Variants in CDH18 observed in about 807,000 individuals in gnomAD.
The protein encoded by CDH18 is cadherin 18.
CDH18 carries 31 observed loss-of-function variants against 67.9 expected under a neutral mutation model. The observed-to-expected ratio is 0.46, with a 90% CI of 0.34 to 0.62. The LOEUF is 0.62. Ranked by LOEUF, CDH18 falls within the 20% of genes least tolerant of loss-of-function variation. CDH18 has a pLI of 0.01. For missense variants in CDH18, 890 were observed against 975.5 expected (o/e 0.91, Z 1.17); for synonymous variants, 362 against 347.2 (o/e 1.04, Z -0.48).
chr5:19,851,214 C>T (rs1356884977), intron 2 of CDH18, among the ~76,000 whole-genome samples: 6 of 151,696 alleles, frequency 4.0e-5, no homozygotes, highest in Admixed American at 1.3e-4. Context: ...TAAAGGCTTT[C>T]CAGCTGATAT....
chr5:20,391,897 A>G (rs2150117009), intron 1 of CDH18, among the ~76,000 whole-genome samples: 1 of 151,362 alleles, frequency 6.6e-6, no homozygotes, highest in East Asian at 2.0e-4. Context: ...AAGAATGCAG[A>G]ACAGTATTAA....
intron 1 of CDH18, among the ~76,000 whole-genome samples, chr5:20,337,379 C>T (rs1182983283): frequency 1.3e-5 from 2 of 152,144 alleles, no homozygotes; most frequent in Non-Finnish European, 2.9e-5. Context: ...TAGCAGCACC[C>T]AAGTCGCCTT....
chr5:19,580,179 G>C (rs755125402), intron 7 of CDH18, among the ~76,000 whole-genome samples: 12 of 151,794 alleles, frequency 7.9e-5, no homozygotes, highest in Non-Finnish European at 1.5e-4. Flanking sequence ...ATACTTGAAG[G>C]ACAATATGGG....
At chr5:19,510,321 A>G (rs535848769) in intron 10 of CDH18, among the ~76,000 whole-genome samples, 59 of 152,284 alleles carry the variant, frequency 3.9e-4, no homozygotes, top group African/African-American at 1.4e-3. Flanking sequence ...TCTCACAAGC[A>G]GAGCACATAC....
At chr5:20,193,910 T>G (rs1463930074) in intron 2 of CDH18, among the ~76,000 whole-genome samples, 3 of 152,094 alleles carry the variant, frequency 2.0e-5, no homozygotes, top group Non-Finnish European at 4.4e-5. Flanking sequence ...GCCTTCATGT[T>G]AAAAACTCTC....
At chr5:19,520,188 C>A (rs994298067) in intron 10 of CDH18, among the ~76,000 whole-genome samples, 1 of 152,044 alleles carries the variant, frequency 6.6e-6, no homozygotes. Flanking sequence ...TCACTCTCAC[C>A]ACCCTATTAA....
At chr5:20,109,173 C>A (rs1747240518) in intron 2 of CDH18, among the ~76,000 whole-genome samples, 1 of 152,092 alleles carries the variant, frequency 6.6e-6, no homozygotes, top group African/African-American at 2.4e-5. Flanking sequence ...AAAATCTAAT[C>A]TTTTATGATT....
intron 2 of CDH18, among the ~76,000 whole-genome samples, chr5:19,916,994 G>A (rs1791868922): frequency 6.6e-6 from 1 of 151,976 alleles, no homozygotes; most frequent in South Asian, 2.1e-4. Context: ...AAAAACTGGT[G>A]CAATCTACAC....
In CDH18 at chr5:19,680,203, T is replaced by C. The variant is rs1419071058; in HGVS notation, c.643+41144A>G. On this transcript the variant is annotated intron_variant, in intron 5 of 12. Coordinates refer to ENST00000382275, the MANE Select transcript of CDH18 (RefSeq NM_004934.5). ...AGGATTCCCTATACAATAAATGGTG[T>C]TGTGATAACTGCCTAGCCATATGCA... 2.6e-5 allele frequency among the ~76,000 whole-genome samples: 4 copies of C among 151,952 alleles called. No homozygotes were observed. The East Asian group carries it at 7.7e-4, about 29-fold the overall frequency.
intron 1 of CDH18, among the ~76,000 whole-genome samples, chr5:20,262,398 T>C (rs899337989): frequency 6.6e-6 from 1 of 152,208 alleles, no homozygotes; most frequent in Admixed American, 6.5e-5. Flanking sequence ...CTAAACTTGA[T>C]AGTAATGTTT....
At chr5:19,776,588 A>C (rs1774411410) in intron 3 of CDH18, among the ~76,000 whole-genome samples, 1 of 152,178 alleles carries the variant, frequency 6.6e-6, no homozygotes, top group South Asian at 2.1e-4. Flanking sequence ...AAAAAGGCGT[A>C]ATGACAGTGT....
intron 1 of CDH18, among the ~76,000 whole-genome samples, chr5:20,510,381 C>G (rs1754958256): frequency 6.6e-6 from 1 of 152,182 alleles, no homozygotes; most frequent in Non-Finnish European, 1.5e-5. Flanking sequence ...CCCTTCCTCT[C>G]TTGCTATGCA....
chr5:20,288,075 A>AT (rs149741266), intron 1 of CDH18, among the ~76,000 whole-genome samples: 6,219 of 148,504 alleles, frequency 0.042, 357 homozygotes, highest in East Asian at 0.28. Flanking sequence ...TTCTGGGGTC[A>AT]TTTTTTTTTT....
chr5:19,491,979 A>G (rs965650749), intron 11 of CDH18, among the ~76,000 whole-genome samples: 1 of 152,148 alleles, frequency 6.6e-6, no homozygotes, highest in African/African-American at 2.4e-5. Flanking sequence ...TAAAGAATTC[A>G]AGTATCTATG....
At chr5:19,859,407 A>G (rs780522803) in intron 2 of CDH18, among the ~76,000 whole-genome samples, 8 of 152,076 alleles carry the variant, frequency 5.3e-5, no homozygotes, top group Non-Finnish European at 7.4e-5. Flanking sequence ...CCCCAAATAT[A>G]TTTCTATGAC....
intron 5 of CDH18, among the ~76,000 whole-genome samples, chr5:19,639,121 G>A (rs1753671892): frequency 6.6e-6 from 1 of 151,670 alleles, no homozygotes; most frequent in African/African-American, 2.4e-5. Flanking sequence ...TCCTGGCTCA[G>A]CTTCCCTAGC....
chr5:20,246,840 A>G (rs570449375), intron 2 of CDH18, among the ~76,000 whole-genome samples: 2 of 152,338 alleles, frequency 1.3e-5, no homozygotes, highest in South Asian at 4.1e-4. Context: ...CACATAATAA[A>G]TTGGTTTGAA....
chr5:20,260,394 C>T (rs1744559100), intron 1 of CDH18, among the ~76,000 whole-genome samples: 2 of 151,914 alleles, frequency 1.3e-5, no homozygotes, highest in African/African-American at 4.8e-5. Flanking sequence ...GCTCCAGGGG[C>T]TCTACTTACG....
intron 2 of CDH18, among the ~76,000 whole-genome samples, chr5:20,170,143 T>C (rs896815413): frequency 6.6e-6 from 1 of 152,110 alleles, no homozygotes; most frequent in African/African-American, 2.4e-5. Flanking sequence ...AAGACCCTCA[T>C]GCATTGGCTG....
Sources: gnomAD v4.1 joint callset for allele counts (sites outside exome capture counted in the v4.1 genomes callset) on GRCh38, gnomAD v4.1.1 for gene constraint, MANE v1.5 for transcripts, NCBI Gene and HGNC (gene_info 2026-07-23, HGNC 2026-07-21) for gene names.